The following RAB9B variants were observed in gnomAD, a reference collection of about 807,000 sequenced individuals.
RAB9B encodes RAB9B, member RAS oncogene family, also known as ras-related protein Rab-9B.
In RAB9B, 1 loss-of-function variant was observed where a neutral mutation model predicts 8.9. The ratio of observed to expected loss-of-function variants is 0.11; its 90% CI spans 0.04 to 0.53. The LOEUF (loss-of-function observed/expected upper bound fraction) is 0.53, where lower values mean the gene tolerates loss of function less well. Ranked by LOEUF, RAB9B falls within the 20% of genes least tolerant of loss-of-function variation. The pLI is 0.93. For missense variants in RAB9B, 82 were observed against 152.9 expected, an observed-to-expected ratio of 0.54 and a Z score of 2.45; for synonymous variants, 63 against 57.0, an observed-to-expected ratio of 1.10 and a Z score of -0.47.
At position 103,824,887 on chromosome X, in the gene RAB9B, A is replaced by C. The variant is rs1316890104; in HGVS notation, c.*292T>G. The C allele has an allele frequency of 5.8e-6, 1 of 173,599 alleles. No individual in the cohort carries two copies. Among genetic ancestry groups the C allele is most frequent in the Non-Finnish European group, 1.1e-5 (1 of 92,969 alleles). 14.3% of individuals were successfully genotyped at this position (173,599 alleles called of 1,213,427 possible). A position where few individuals can be genotyped will look rare whatever the true frequency, so the allele number is the denominator to read the frequency against. On this transcript the variant is annotated 3_prime_UTR_variant, in exon 3 of 3. Coordinates refer to ENST00000243298, the MANE Select transcript of RAB9B (RefSeq NM_016370.4). ...GGGTTCTAGGTTTAAACTGTGATTTAAAAAATATTTAACTGTCTCAGGACT... is the reference window on the plus strand; with the variant it reads ...GGGTTCTAGGTTTAAACTGTGATTTCAAAAATATTTAACTGTCTCAGGACT...
chrX:103,819,243 A>G (rs1387038442), downstream of RAB9B, among the ~76,000 whole-genome samples: 1 of 111,994 alleles, frequency 8.9e-6, no homozygotes, highest in Non-Finnish European at 1.9e-5. Flanking sequence ...TCAATCAGTT[A>G]ACTAGATGTG....
At chrX:103,790,091 A>C in the RAB9B span, among the ~76,000 whole-genome samples, 1 of 112,289 alleles carries the variant, frequency 8.9e-6, no homozygotes, top group African/African-American at 3.2e-5. Context: ...ATACAGAGTC[A>C]AGTAATTTCT....
chrX:103,821,996 A>G (rs957404592), downstream of RAB9B, among the ~76,000 whole-genome samples: 11 of 110,872 alleles, frequency 9.9e-5, no homozygotes, highest in Non-Finnish European at 1.5e-4. Context: ...AAGTGGTTAA[A>G]CCCATGAGTT....
At chrX:103,780,981 G>A in the RAB9B span, 10 of 145,422 alleles carry the variant, frequency 6.9e-5, no homozygotes, top group Non-Finnish European at 1.2e-4. Flanking sequence ...GGGAGGTGGG[G>A]CCAGTTTCTC....
chrX:103,815,265 T>C, the RAB9B span, among the ~76,000 whole-genome samples: 1 of 112,379 alleles, frequency 8.9e-6, no homozygotes, highest in Non-Finnish European at 1.9e-5. Flanking sequence ...GCTTCATCCC[T>C]GGGATGCAAG....
At chrX:103,807,785 G>T in the RAB9B span, among the ~76,000 whole-genome samples, 1 of 111,609 alleles carries the variant, frequency 9.0e-6, no homozygotes, top group Admixed American at 9.5e-5. Context: ...GAAGCTGAAT[G>T]GCACCTCTAG....
At chrX:103,827,947 G>A (rs2074689929) in intron 1 of RAB9B, among the ~76,000 whole-genome samples, 2 of 112,221 alleles carry the variant, frequency 1.8e-5, no homozygotes, top group African/African-American at 3.2e-5. Flanking sequence ...GTTCACAGGC[G>A]TGAGCCGCTG....
the RAB9B span, among the ~76,000 whole-genome samples, chrX:103,801,231 C>T: frequency 9.0e-6 from 1 of 110,534 alleles, no homozygotes; most frequent in Non-Finnish European, 1.9e-5. Flanking sequence ...GTCTGAGTAC[C>T]CACCTTGTTT....
At chrX:103,782,894 C>A in the RAB9B span, among the ~76,000 whole-genome samples, 1 of 112,175 alleles carries the variant, frequency 8.9e-6, no homozygotes, top group South Asian at 3.7e-4. Context: ...ATGGAGGGCT[C>A]TGTCCAAGCC....
chrX:103,809,650 C>T, the RAB9B span, among the ~76,000 whole-genome samples: 8 of 111,821 alleles, frequency 7.2e-5, no homozygotes, highest in Admixed American at 1.9e-4. Flanking sequence ...TTATTGCTGC[C>T]TGAGCTGACT....
the RAB9B span, among the ~76,000 whole-genome samples, chrX:103,801,413 T>C: frequency 9.9e-6 from 1 of 101,421 alleles, no homozygotes; most frequent in South Asian, 4.4e-4. Context: ...TGATGTTCTC[T>C]AGGTTTGTTT....
At chrX:103,782,521 T>A in the RAB9B span, among the ~76,000 whole-genome samples, 1 of 112,081 alleles carries the variant, frequency 8.9e-6, no homozygotes, top group Non-Finnish European at 1.9e-5. Flanking sequence ...GGATGATGAT[T>A]GAGGGATCAG....
chrX:103,812,857 A>G, the RAB9B span, among the ~76,000 whole-genome samples: 1 of 109,099 alleles, frequency 9.2e-6, no homozygotes, highest in African/African-American at 3.3e-5. Flanking sequence ...GTGTCCTCCA[A>G]ACTACAGTGT....
chrX:103,813,753 A>AAT, the RAB9B span, among the ~76,000 whole-genome samples: 1 of 99,452 alleles, frequency 1.0e-5, no homozygotes, highest in Non-Finnish European at 2.0e-5. Context: ...AGCAAAAAAA[A>AAT]AAAAAAAAAA....
the RAB9B span, chrX:103,779,809 A>G: frequency 1.8e-5 from 2 of 112,437 alleles, no homozygotes; most frequent in African/African-American, 6.5e-5. Flanking sequence ...CCAGCCAGTA[A>G]CATCACTTTC....
the RAB9B span, among the ~76,000 whole-genome samples, chrX:103,778,338 T>C: frequency 8.9e-6 from 1 of 112,232 alleles, no homozygotes; most frequent in Non-Finnish European, 1.9e-5. Flanking sequence ...CTCTTCCTCT[T>C]TCCAGGGTGG....
downstream of RAB9B, among the ~76,000 whole-genome samples, chrX:103,821,874 C>T (rs953441425): frequency 9.0e-6 from 1 of 111,278 alleles, no homozygotes; most frequent in African/African-American, 3.3e-5. Context: ...GTGTACCCAT[C>T]ACCAGAATAG....
the RAB9B span, among the ~76,000 whole-genome samples, chrX:103,782,800 C>T: frequency 0.34 from 21 of 61 alleles, no homozygotes; most frequent in South Asian, 0.7. Flanking sequence ...CCCCTCCCCA[C>T]CCCCCGGCTG....
At chrX:103,793,706 A>G in the RAB9B span, among the ~76,000 whole-genome samples, 4 of 110,829 alleles carry the variant, frequency 3.6e-5, no homozygotes, top group Admixed American at 1.9e-4. Context: ...GGATGAATCT[A>G]TAGATGGAGT....
Sources: gnomAD v4.1 joint callset for allele counts (sites outside exome capture counted in the v4.1 genomes callset) on GRCh38, gnomAD v4.1.1 for gene constraint, MANE v1.5 for transcripts, NCBI Gene and HGNC (gene_info 2026-07-23, HGNC 2026-07-21) for gene names.